CYSLTR2: variants seen among roughly 807,000 people sequenced by gnomAD.
The protein encoded by CYSLTR2 is G-protein coupled receptor GPCR21.
For missense variants in CYSLTR2, 398 were observed against 411.9 expected, an observed-to-expected ratio of 0.97 and a Z score of 0.29; for synonymous variants, 179 against 160.8, an observed-to-expected ratio of 1.11 and a Z score of -0.86.
At chr13:48,678,264 C>T (rs1277851213) in intron 1 of CYSLTR2, among the ~76,000 whole-genome samples, 2 of 152,168 alleles carry the variant, frequency 1.3e-5, no homozygotes, top group East Asian at 1.9e-4. Flanking sequence ...CCACCTCAGC[C>T]TCCCAAAGTG....
intron 1 of CYSLTR2, among the ~76,000 whole-genome samples, chr13:48,675,276 G>T (rs770093224): frequency 1.3e-5 from 2 of 152,234 alleles, no homozygotes; most frequent in African/African-American, 2.4e-5. Flanking sequence ...GTCCCAGAGA[G>T]ATGGGAGCTT....
chr13:48,654,217 A>T (rs1490233314), intron 1 of CYSLTR2, among the ~76,000 whole-genome samples, 200 bp downstream of exon 1: 2 of 151,190 alleles, frequency 1.3e-5, no homozygotes, highest in African/African-American at 4.9e-5. Context: ...TCTCCACCAA[A>T]ATAGCCTCTA....
At chr13:48,681,397 G>A (rs1268692563) in intron 1 of CYSLTR2, among the ~76,000 whole-genome samples, 1 of 152,074 alleles carries the variant, frequency 6.6e-6, no homozygotes, top group Non-Finnish European at 1.5e-5. Flanking sequence ...TTCAGAATTC[G>A]GGACTCACAG....
At chr13:48,699,217 A>G (rs1398792362) in intron 4 of CYSLTR2, among the ~76,000 whole-genome samples, 1 of 152,220 alleles carries the variant, frequency 6.6e-6, no homozygotes, top group Non-Finnish European at 1.5e-5. Flanking sequence ...AACAGAATAT[A>G]CATTCTTCTC....
intron 1 of CYSLTR2, 74 bp downstream of exon 1, chr13:48,654,091 G>C (rs1278451060): frequency 6.6e-6 from 1 of 152,128 alleles, no homozygotes; most frequent in Admixed American, 6.5e-5. Flanking sequence ...ATAGTCAGAG[G>C]AGTAATTTTT....
rs1274667411 is a variant in CYSLTR2 at position 48,706,860 on chromosome 13, T to C, written c.43T>C (p.Ser15Pro). The C allele has an allele frequency of 5.6e-6, 9 of 1,614,058 alleles. No homozygotes were observed. In the Middle Eastern group the frequency reaches 9.9e-4, roughly 178 times the overall value. The change falls in exon 5 of 5, where the codon TCA becomes CCA. Residue 15 changes from serine to proline, a missense_variant. Transcript: ENST00000682523. ...FMSLQPSISV[S>P]EMEPNGTFSN... Reference sequence around the variant, plus strand: ...GTCCTTGCAACCATCCATCTCCGTATCAGAAATGGAACCAAATGGCACCTT... The same window carrying C: ...GTCCTTGCAACCATCCATCTCCGTACCAGAAATGGAACCAAATGGCACCTT...
intron 3 of CYSLTR2, among the ~76,000 whole-genome samples, chr13:48,695,068 ATT>A (rs869282546): frequency 9.6e-4 from 69 of 71,606 alleles, no homozygotes; most frequent in South Asian, 5.4e-3. Context: ...AGAACCTGGC[ATT>A]TTTTTTTTTT....
chr13:48,695,792 T>C (rs2138960918), intron 3 of CYSLTR2, among the ~76,000 whole-genome samples: 1 of 152,376 alleles, frequency 6.6e-6, no homozygotes, highest in East Asian at 1.9e-4. Flanking sequence ...GGTATGCATG[T>C]ACCACTGTTT....
chr13:48,680,777 CTTTCTTTCT>C (rs1254165706), intron 1 of CYSLTR2, among the ~76,000 whole-genome samples: 1 of 114,544 alleles, frequency 8.7e-6, no homozygotes, highest in African/African-American at 3.7e-5. Flanking sequence ...ATTTTCTTTT[CTTTCTTTCT>C]TTTCTTTTCT....
At position 48,707,230 on chromosome 13, in the gene CYSLTR2, T is replaced by C. The variant is rs1475183443; in HGVS notation, c.413T>C (p.Leu138Pro). ...FLTVLSVVRF[L>P]AMVHPFRLLH... is the part of the protein sequence containing the mutation. ...ACCGTGCTGAGTGTTGTGCGTTTCCTGGCAATGGTTCACCCCTTTCGGCTT... is the reference window on the plus strand; with the variant it reads ...ACCGTGCTGAGTGTTGTGCGTTTCCCGGCAATGGTTCACCCCTTTCGGCTT... Residue 138 changes from leucine (L) to proline (P), a missense_variant, in exon 5 of 5, where the codon CTG becomes CCG. Physicochemically the swap from Leu to Pro is moderately conservative, Grantham distance 98. Coordinates refer to ENST00000682523, the MANE Select transcript of CYSLTR2 (RefSeq NM_001308476.3). 1 of 1,614,054 alleles carries C rather than the reference T, an allele frequency of 6.2e-7. No individual in the cohort carries two copies. The highest frequency in any genetic ancestry group is 8.5e-7 in the Non-Finnish European group (1 of 1,180,050).
At chr13:48,696,218 G>T (rs558248856) in intron 3 of CYSLTR2, among the ~76,000 whole-genome samples, 2 of 152,112 alleles carry the variant, frequency 1.3e-5, no homozygotes, top group Admixed American at 1.3e-4. Context: ...TCTATCTTTT[G>T]CACATTTTCT....
At position 48,707,981 on chromosome 13, in the gene CYSLTR2, A is replaced by G. The variant is rs200458720; in HGVS notation, c.*123A>G. 28 of 858,368 alleles carry G rather than the reference A, an allele frequency of 3.3e-5. No homozygotes were observed. In the African/African-American group the frequency reaches 4.6e-4, roughly 14 times the overall value. 53.2% of individuals were successfully genotyped at this position (858,368 alleles called of 1,614,324 possible). On this transcript the variant is annotated 3_prime_UTR_variant, in exon 5 of 5. Transcript: ENST00000682523. ...GTTGATTCTTAATATTTAGTTGACC[A>G]TTACTTTTGTTAATAAGACCTACTT...
chr13:48,701,268 CT>C lies in CYSLTR2; in HGVS notation c.-2+4643del, dbSNP rs201493525. Among the ~76,000 whole-genome samples, 1,107 of 152,342 alleles carry C rather than the reference CT, an allele frequency of 7.3e-3. 16 individuals are homozygous for C. Among genetic ancestry groups the C allele is most frequent in the African/African-American group, 0.025 (1,019 of 41,570 alleles). The stretch of plus-strand genomic sequence containing the variant: ...CTACAGTAACCAAAACATCACGGTA[CT>C]GGTACCAAAACAGAGATATAGACCA... On this transcript the variant is annotated intron_variant, in intron 4 of 4. Transcript: ENST00000682523.
chr13:48,660,205 C>T (rs1953094224), intron 1 of CYSLTR2, among the ~76,000 whole-genome samples: 1 of 152,084 alleles, frequency 6.6e-6, no homozygotes, highest in Non-Finnish European at 1.5e-5. Flanking sequence ...TAATGCTGTA[C>T]ATCTTGTTCT....
chr13:48,680,415 C>T (rs1413310711), intron 1 of CYSLTR2, among the ~76,000 whole-genome samples: 1 of 152,184 alleles, frequency 6.6e-6, no homozygotes. Context: ...TTCTAAGCAT[C>T]GACGTAAGCT....
At chr13:48,682,388 C>A (rs761031425) in intron 1 of CYSLTR2, among the ~76,000 whole-genome samples, 11 of 152,188 alleles carry the variant, frequency 7.2e-5, no homozygotes, top group Non-Finnish European at 1.2e-4. Flanking sequence ...GTCAGGCTCA[C>A]AGAGTTCCAG....
chr13:48,660,891 G>A (rs1286659309), intron 1 of CYSLTR2, among the ~76,000 whole-genome samples: 2 of 152,204 alleles, frequency 1.3e-5, no homozygotes, highest in African/African-American at 2.4e-5. Context: ...GGATTTTGAG[G>A]AACAAATGTG....
At chr13:48,666,301 G>A (rs577429479) in intron 1 of CYSLTR2, among the ~76,000 whole-genome samples, 1 of 152,104 alleles carries the variant, frequency 6.6e-6, no homozygotes, top group Non-Finnish European at 1.5e-5. Context: ...TATGTGGCTT[G>A]ATGCTCTTCT....
intron 4 of CYSLTR2, among the ~76,000 whole-genome samples, chr13:48,697,419 C>G (rs1213142191): frequency 6.6e-6 from 1 of 152,164 alleles, no homozygotes; most frequent in Non-Finnish European, 1.5e-5. Flanking sequence ...GGACCTCCAG[C>G]AAATTCCAAC....
Sources: allele counts gnomAD v4.1 joint callset (sites outside exome capture counted in the v4.1 genomes callset), GRCh38; gene constraint gnomAD v4.1.1; transcripts MANE v1.5; gene names NCBI Gene and HGNC (gene_info 2026-07-23, HGNC 2026-07-21).